The following TDRD7 variants were observed in gnomAD, a reference collection of about 807,000 sequenced individuals.
The protein encoded by TDRD7 is tudor domain containing 7, also known as tudor domain-containing protein 7.
Under a neutral mutation model 109.8 loss-of-function variants are expected in TDRD7, and 47 were observed. The ratio of observed to expected loss-of-function variants is 0.43; its 90% confidence interval spans 0.34 to 0.55. TDRD7 has a LOEUF of 0.55. Among genes scored for constraint, TDRD7 ranks in the 20% least tolerant of loss-of-function variants. The probability of loss-of-function intolerance (pLI) is 0.03; values close to 1 mark genes in which losing one functional copy is unlikely to be tolerated. For missense variants in TDRD7, 1,164 were observed against 1,319.2 expected, an observed-to-expected ratio of 0.88 and a Z score of 1.82; for synonymous variants, 424 against 457.3, an observed-to-expected ratio of 0.93 and a Z score of 0.93.
At chr9:97,431,262 T>C (rs995312453) in intron 3 of TDRD7, among the ~76,000 whole-genome samples, 188 bp downstream of exon 3, 1 of 152,346 alleles carries the variant, frequency 6.6e-6, no homozygotes, top group Non-Finnish European at 1.5e-5. Flanking sequence ...CATGACTTAC[T>C]AAGTGAAGTA....
rs1367145507 is a variant in TDRD7 at position 97,438,122 on chromosome 9, G to A, written c.564-1123G>A. Among the ~76,000 whole-genome samples, 3 of 152,184 alleles carry A rather than the reference G, an allele frequency of 2.0e-5. No homozygotes were observed. In the East Asian group the frequency reaches 5.8e-4, roughly 29 times the overall value. On this transcript the variant is annotated intron_variant, in intron 4 of 16. Coordinates refer to ENST00000355295, the MANE Select transcript of TDRD7 (RefSeq NM_014290.3). ...GTTTACATGTTTTGGGCTGGTGTGCGGGAAGGAGTACTATCTCCCTACCAG... is the reference window on the plus strand; with the variant it reads ...GTTTACATGTTTTGGGCTGGTGTGCAGGAAGGAGTACTATCTCCCTACCAG...
chr9:97,494,710 ATATTTT>A (rs1166500284), intron 16 of TDRD7, among the ~76,000 whole-genome samples: 10 of 99,722 alleles, frequency 1.0e-4, no homozygotes, highest in African/African-American at 3.6e-4. Flanking sequence ...ATATATATAT[ATATTTT>A]TTTTTTTTTC....
chr9:97,452,862 G>A (rs1470020601), intron 6 of TDRD7, among the ~76,000 whole-genome samples: 1 of 152,176 alleles, frequency 6.6e-6, no homozygotes, highest in African/African-American at 2.4e-5. Flanking sequence ...GTTCCTATTT[G>A]GAAGAACTTG....
intron 6 of TDRD7, among the ~76,000 whole-genome samples, chr9:97,458,149 A>G (rs982984324): frequency 1.3e-5 from 2 of 152,204 alleles, no homozygotes; most frequent in East Asian, 3.9e-4. Flanking sequence ...ATGAACCTAT[A>G]TAATGGAGTA....
At chr9:97,494,915 T>TA (rs1240357823) in intron 16 of TDRD7, among the ~76,000 whole-genome samples, 3 of 152,040 alleles carry the variant, frequency 2.0e-5, no homozygotes, top group African/African-American at 7.2e-5. Context: ...TGGGCTATGT[T>TA]GCCCAGGCTG....
chr9:97,415,254 G>A (rs866488972), intron 1 of TDRD7, among the ~76,000 whole-genome samples: 11 of 152,208 alleles, frequency 7.2e-5, no homozygotes, highest in Middle Eastern at 3.2e-3. Flanking sequence ...AGTTGAGCAA[G>A]AAGAAACTTA....
At chr9:97,425,920 C>T (rs1281721218) in intron 1 of TDRD7, among the ~76,000 whole-genome samples, 1 of 152,138 alleles carries the variant, frequency 6.6e-6, no homozygotes, top group Non-Finnish European at 1.5e-5. Flanking sequence ...CCTGTTGTTC[C>T]CAGGCTTCAA....
chr9:97,488,864 A>C (rs1350063228), intron 16 of TDRD7, among the ~76,000 whole-genome samples: 1 of 152,224 alleles, frequency 6.6e-6, no homozygotes, highest in Non-Finnish European at 1.5e-5. Flanking sequence ...ATTTTCATTC[A>C]GCTGAAAATA....
intron 8 of TDRD7, among the ~76,000 whole-genome samples, chr9:97,466,288 C>T (rs1194855076): frequency 6.6e-6 from 1 of 152,218 alleles, no homozygotes; most frequent in Non-Finnish European, 1.5e-5. Flanking sequence ...CCCTGACCCT[C>T]TCCAGAAGTA....
At chr9:97,459,866 A>T (rs539319053) in intron 6 of TDRD7, among the ~76,000 whole-genome samples, 13 of 152,242 alleles carry the variant, frequency 8.5e-5, no homozygotes, top group Admixed American at 2.0e-4. Flanking sequence ...ATTGTTTTGG[A>T]TTTGGCAGAA....
At chr9:97,449,229 G>A (rs916092570) in intron 6 of TDRD7, among the ~76,000 whole-genome samples, 12 of 152,178 alleles carry the variant, frequency 7.9e-5, no homozygotes, top group African/African-American at 2.7e-4. Context: ...GTGACCAAAT[G>A]TGGGCGTTTT....
intron 14 of TDRD7, among the ~76,000 whole-genome samples, chr9:97,481,471 C>T (rs749407724): frequency 6.6e-6 from 1 of 152,106 alleles, no homozygotes; most frequent in Non-Finnish European, 1.5e-5. Flanking sequence ...AAACATTGCT[C>T]ATATATCCAA....
chr9:97,428,710 A>C (rs1828049208), intron 2 of TDRD7, 38 bp downstream of exon 2: 1 of 1,586,940 alleles, frequency 6.3e-7, no homozygotes, highest in Non-Finnish European at 8.6e-7. Flanking sequence ...GAATCAAACC[A>C]ATTCATAATT....
At chr9:97,424,049 CTTTTTT>C (rs56369544) in intron 1 of TDRD7, among the ~76,000 whole-genome samples, 15 of 48,866 alleles carry the variant, frequency 3.1e-4, no homozygotes, top group Non-Finnish European at 4.8e-4. Flanking sequence ...CTTTTATATT[CTTTTTT>C]TTTTTTTTTT....
chr9:97,451,048 C>G (rs1828481360), intron 6 of TDRD7, among the ~76,000 whole-genome samples: 1 of 151,870 alleles, frequency 6.6e-6, no homozygotes, highest in African/African-American at 2.4e-5. Flanking sequence ...GGTAGAGGGC[C>G]TAAAGATTAG....
chr9:97,480,869 C>T lies in TDRD7; in HGVS notation c.2343C>T (p.Gly781=). 6.2e-7 allele frequency: 1 copy of T among 1,614,088 alleles called. No individual in the cohort carries two copies. Among genetic ancestry groups the T allele is most frequent in the Non-Finnish European group, 8.5e-7 (1 of 1,179,954 alleles). Residue 781 remains glycine (G), a synonymous_variant, in exon 14 of 17, where the codon GGC becomes GGT. Transcript: ENST00000355295. The part of the protein sequence containing the change: ...CCLADLPQSI[G]MWTPDAVLWL... The stretch of plus-strand genomic sequence containing the variant: ...TAGCAGATCTTCCACAATCTATTGG[C>T]ATGTGGACACCAGATGCAGTGCTGT...
At chr9:97,466,453 AC>A (rs1455894863) in intron 8 of TDRD7, among the ~76,000 whole-genome samples, 1 of 35,248 alleles carries the variant, frequency 2.8e-5, no homozygotes, top group Non-Finnish European at 5.8e-5. Flanking sequence ...CGAACACTTA[AC>A]CATATGACCC....
At chr9:97,418,969 AG>A (rs1166438060) in intron 1 of TDRD7, among the ~76,000 whole-genome samples, 1 of 152,210 alleles carries the variant, frequency 6.6e-6, no homozygotes, top group Non-Finnish European at 1.5e-5. Context: ...GCAAAGGGTA[AG>A]GCCTTCTTAC....
At chr9:97,446,654 T>C (rs1178711761) in intron 6 of TDRD7, among the ~76,000 whole-genome samples, 1 of 152,194 alleles carries the variant, frequency 6.6e-6, no homozygotes, top group Non-Finnish European at 1.5e-5. Context: ...AGTATAGCAG[T>C]TTCTCTAATA....
Sources: gnomAD v4.1 joint callset for allele counts (sites outside exome capture counted in the v4.1 genomes callset) on GRCh38, gnomAD v4.1.1 for gene constraint, MANE v1.5 for transcripts, NCBI Gene and HGNC (gene_info 2026-07-23, HGNC 2026-07-21) for gene names.